PHKB: variants seen among roughly 807,000 people sequenced by gnomAD.
PHKB encodes the protein phosphorylase kinase regulatory subunit beta.
A neutral mutation model predicts 152.1 loss-of-function variants in PHKB; 122 were observed. That is an observed-to-expected ratio of 0.80 (90% CI 0.69 to 0.93). PHKB has a LOEUF of 0.93. Among genes scored for constraint, PHKB ranks in the 40% least tolerant of loss-of-function variants. The pLI, the probability that PHKB is intolerant of heterozygous loss-of-function variation, is 0.00. For missense variants in PHKB, 1,304 were observed against 1,328.4 expected (o/e 0.98, Z 0.29); for synonymous variants, 436 against 464.9 (o/e 0.94, Z 0.80).
At chr16:47,664,763 T>C in intron 24 of PHKB, 122 bp from the exon 25 acceptor site, 2 of 721,010 alleles carry the variant, frequency 2.8e-6, no homozygotes, top group Non-Finnish European at 2.5e-6. Flanking sequence ...TTACACTTTA[T>C]GCATTTCAGA....
chr16:47,642,371 G>A (rs895077657), intron 16 of PHKB, among the ~76,000 whole-genome samples: 3 of 152,124 alleles, frequency 2.0e-5, no homozygotes, highest in African/African-American at 4.8e-5. Context: ...CCTTTTGCAC[G>A]CACTGCTCTG....
At chr16:47,663,332 A>G (rs1168356950) in intron 23 of PHKB, among the ~76,000 whole-genome samples, 2 of 152,196 alleles carry the variant, frequency 1.3e-5, no homozygotes, top group African/African-American at 2.4e-5. Flanking sequence ...TATTTGTTCA[A>G]TTGCTAATTA....
intron 10 of PHKB, among the ~76,000 whole-genome samples, chr16:47,589,880 G>T (rs1293106386): frequency 6.6e-6 from 1 of 152,134 alleles, no homozygotes; most frequent in Admixed American, 6.5e-5. Context: ...CACCTCCTGG[G>T]TTCAAGCAAT....
intron 1 of PHKB, chr16:47,462,767 T>C (rs1969595261): frequency 6.6e-6 from 1 of 151,432 alleles, no homozygotes; most frequent in South Asian, 2.1e-4. Context: ...GTAAATCTAA[T>C]TTCTGAAAAT....
intron 26 of PHKB, among the ~76,000 whole-genome samples, chr16:47,673,581 A>G (rs562547037): frequency 6.6e-6 from 1 of 152,298 alleles, no homozygotes; most frequent in Admixed American, 6.5e-5. Context: ...AATTAATCAT[A>G]TCAGAGTACA....
intron 20 of PHKB, among the ~76,000 whole-genome samples, chr16:47,655,541 G>C (rs185457630): frequency 6.6e-6 from 1 of 152,190 alleles, no homozygotes; most frequent in Non-Finnish European, 1.5e-5. Flanking sequence ...ACAGTGCAAA[G>C]TGTGGTGATT....
intron 1 of PHKB, among the ~76,000 whole-genome samples, chr16:47,468,661 AAAAT>A (rs749544800): frequency 5.1e-4 from 78 of 152,354 alleles, no homozygotes; most frequent in Non-Finnish European, 8.1e-4. Flanking sequence ...CTCACAAAAT[AAAAT>A]AAATAAATAA....
intron 1 of PHKB, among the ~76,000 whole-genome samples, chr16:47,496,985 A>C (rs1418511945): frequency 1.3e-5 from 2 of 152,180 alleles, no homozygotes; most frequent in Non-Finnish European, 2.9e-5. Context: ...GGGTATGATT[A>C]TTTGAGAAAA....
chr16:47,591,700 T>G (rs1567318317), intron 10 of PHKB, among the ~76,000 whole-genome samples: 1 of 151,928 alleles, frequency 6.6e-6, no homozygotes, highest in Non-Finnish European at 1.5e-5. Context: ...AACTCATACC[T>G]CTCCTCAAGT....
chr16:47,641,016 C>T lies in PHKB; in HGVS notation c.1459-19C>T. 1 of 1,609,408 alleles carries T rather than the reference C, an allele frequency of 6.2e-7. No individual in the cohort carries two copies. Among genetic ancestry groups the T allele is most frequent in the Non-Finnish European group, 8.5e-7 (1 of 1,175,760 alleles). ...AGATCTTTTAAAATGTTTTCCCCCT[C>T]CCTTATTCTGCATTACAGGGCCCAC... On this transcript the variant is annotated intron_variant, in intron 14 of 30. Transcript: ENST00000323584.
chr16:47,687,569 T>C (rs550240297), intron 26 of PHKB, among the ~76,000 whole-genome samples: 1 of 152,374 alleles, frequency 6.6e-6, no homozygotes, highest in South Asian at 2.1e-4. Context: ...ATTTGTTGTT[T>C]GTAAATACTT....
At chr16:47,480,185 A>G (rs1319328463) in intron 1 of PHKB, among the ~76,000 whole-genome samples, 1 of 152,100 alleles carries the variant, frequency 6.6e-6, no homozygotes, top group Non-Finnish European at 1.5e-5. Context: ...CCATTTTCAG[A>G]GAGTTGCCTA....
intron 7 of PHKB, among the ~76,000 whole-genome samples, chr16:47,564,823 A>G (rs117340221): frequency 0.017 from 2,559 of 152,074 alleles, 39 homozygotes; most frequent in Non-Finnish European, 0.027. Context: ...TTGTTGTTCA[A>G]TTTTCCCAGC....
intron 1 of PHKB, among the ~76,000 whole-genome samples, chr16:47,474,636 C>T (rs527327585): frequency 6.6e-6 from 1 of 151,942 alleles, no homozygotes; most frequent in East Asian, 1.9e-4. Flanking sequence ...TGTCGGCTCA[C>T]TTGTAAATAT....
intron 28 of PHKB, 68 bp downstream of exon 28, chr16:47,693,575 C>T (rs992193606): frequency 5.3e-6 from 8 of 1,511,570 alleles, no homozygotes; most frequent in Non-Finnish European, 6.4e-6. Context: ...TTTCCTCTTG[C>T]ACTGCAAATA....
At chr16:47,464,149 T>G (rs1969626188) in intron 1 of PHKB, 1 of 663,564 alleles carries the variant, frequency 1.5e-6, no homozygotes, top group African/African-American at 1.8e-5. Context: ...CTTTGCATTG[T>G]GTTTTGAATG....
At chr16:47,683,414 A>G (rs1322687304) in intron 26 of PHKB, among the ~76,000 whole-genome samples, 1 of 152,182 alleles carries the variant, frequency 6.6e-6, no homozygotes, top group African/African-American at 2.4e-5. Flanking sequence ...GGCTCCACCC[A>G]TTTGGAGCTT....
intron 13 of PHKB, among the ~76,000 whole-genome samples, chr16:47,598,382 G>A (rs1314130468): frequency 6.6e-6 from 1 of 152,108 alleles, no homozygotes; most frequent in Non-Finnish European, 1.5e-5. Flanking sequence ...TTGAAGATCT[G>A]TAGGAATTTT....
chr16:47,496,614 A>G (rs1023814960), intron 1 of PHKB, among the ~76,000 whole-genome samples: 1 of 152,224 alleles, frequency 6.6e-6, no homozygotes, highest in Non-Finnish European at 1.5e-5. Context: ...GATTGCTTTT[A>G]ACAAGAACGA....
Sources: gnomAD v4.1 joint callset for allele counts (sites outside exome capture counted in the v4.1 genomes callset) on GRCh38, gnomAD v4.1.1 for gene constraint, MANE v1.5 for transcripts, NCBI Gene and HGNC (gene_info 2026-07-23, HGNC 2026-07-21) for gene names.